The following MED14 variants were observed in gnomAD, a reference collection of about 807,000 sequenced individuals.
MED14 encodes the protein mediator complex subunit 14.
Under a neutral mutation model 109.0 loss-of-function variants are expected in MED14, and 8 were observed. The observed-to-expected ratio is 0.07, with a 90% CI of 0.04 to 0.13. The LOEUF is 0.13. Ranked by LOEUF, MED14 falls within the 10% of genes least tolerant of loss-of-function variation. The pLI is 1.00. For missense variants in MED14, 711 were observed against 1,142.4 expected (o/e 0.62, Z 5.44); for synonymous variants, 399 against 408.7 (o/e 0.98, Z 0.29).
At chrX:40,691,858 C>T (rs923854264) in intron 15 of MED14, among the ~76,000 whole-genome samples, 4 of 109,568 alleles carry the variant, frequency 3.7e-5, no homozygotes, top group African/African-American at 1.0e-4. Flanking sequence ...GTGATCCACC[C>T]GCCTCGGCCT....
chrX:40,697,027 G>A lies in MED14; in HGVS notation c.1647C>T (p.Tyr549=). The change falls in exon 13 of 31, where the codon TAC becomes TAT. Residue 549 remains tyrosine, a synonymous_variant. Coordinates refer to ENST00000324817, the MANE Select transcript of MED14 (RefSeq NM_004229.4). ...FIKLTRLPQY[Y]IVVEMLEVPN... ...AATCACTCCTTTGCATACTTACAAT[G>A]TAGTATTGTGGAAGGCGGGTAAGTT... 8.3e-7 allele frequency: 1 copy of A among 1,197,661 alleles called. No homozygotes were observed. The highest frequency in any genetic ancestry group is 1.1e-6 in the Non-Finnish European group (1 of 884,502).
intron 3 of MED14, among the ~76,000 whole-genome samples, chrX:40,722,315 G>A (rs1332197498): frequency 9.0e-6 from 1 of 111,199 alleles, no homozygotes; most frequent in Admixed American, 9.6e-5. Flanking sequence ...AAATGCAATC[G>A]GCATACTGAA....
At chrX:40,668,293 G>A (rs62586858) in intron 23 of MED14, among the ~76,000 whole-genome samples, 1 of 97,648 alleles carries the variant, frequency 1.0e-5, no homozygotes, top group South Asian at 5.2e-4. Flanking sequence ...TGAGGCAGGA[G>A]AATCACTTGA....
At chrX:40,730,885 C>G (rs1932056097) in intron 1 of MED14, among the ~76,000 whole-genome samples, 1 of 99,114 alleles carries the variant, frequency 1.0e-5, no homozygotes, top group African/African-American at 3.7e-5. Flanking sequence ...CACCTGTAAT[C>G]CCAGCACTTT....
rs1350538123 is a variant in MED14 at position 40,650,579 on chromosome X, A to G, written c.*1227T>C. 4 of 754,221 alleles carry G rather than the reference A, an allele frequency of 5.3e-6. No individual in the cohort carries two copies. The highest frequency in any genetic ancestry group is 6.3e-6 in the Non-Finnish European group (4 of 639,375). The allele number at this position is 754,221 out of a possible 1,213,427, so 62.2% of individuals were successfully genotyped here. A position where few individuals can be genotyped will look rare whatever the true frequency, so the allele number is the denominator to read the frequency against. On this transcript the variant is annotated 3_prime_UTR_variant, in exon 31 of 31. Coordinates refer to ENST00000324817, the MANE Select transcript of MED14 (RefSeq NM_004229.4). ...AGACCATGTTCTTTGAAGCTTAAAA[A>G]AGTCCCTGACTGACTAGGAAAGACA... is the stretch of plus-strand genomic sequence containing the variant.
At chrX:40,713,098 C>A in intron 5 of MED14, 56 bp from the exon 6 acceptor site, 1 of 1,074,702 alleles carries the variant, frequency 9.3e-7, no homozygotes, top group Non-Finnish European at 1.2e-6. Flanking sequence ...AAATGAGAAT[C>A]TTCCTCCTGA....
In MED14 at chrX:40,712,288, G is replaced by T. The variant is rs1460629318; in HGVS notation, c.787C>A (p.Arg263=). ...LVEDKETGDG[R]ALVHSMQISF... is the part of the protein sequence containing the mutation. ...ATTTGCATGCTATGAACCAAAGCTCGCCCATCTTCCGTTGGCAGAAGAAAA... is the reference window on the plus strand; with the variant it reads ...ATTTGCATGCTATGAACCAAAGCTCTCCCATCTTCCGTTGGCAGAAGAAAA... Residue 263 remains arginine (R), a synonymous_variant, in exon 7 of 31, where the codon CGA becomes AGA. Coordinates refer to ENST00000324817, the MANE Select transcript of MED14 (RefSeq NM_004229.4). 36 of 1,196,383 alleles carry T rather than the reference G, an allele frequency of 3.0e-5. No homozygotes were observed. Among genetic ancestry groups the T allele is most frequent in the Non-Finnish European group, 4.1e-5 (36 of 886,340 alleles).
chrX:40,686,529 C>T (rs1285065117), intron 16 of MED14, among the ~76,000 whole-genome samples: 4 of 111,598 alleles, frequency 3.6e-5, no homozygotes, highest in East Asian at 5.6e-4. Context: ...CTCCTGAAAA[C>T]GTTTTTGTGG....
chrX:40,671,905 C>CTATGGG lies in MED14; in HGVS notation c.3088_3089insCCCATA (p.His1029_Ser1030insThrHis), dbSNP rs1170968862. ...CATTGAGGGAGACTGATTGACTGTG[C>CTATGGG]TATGATAAGATGTAGGGGGTGAAGT... On this transcript the variant is annotated inframe_insertion, in exon 23 of 31. Transcript: ENST00000324817. 1 of 1,204,212 alleles carries CTATGGG rather than the reference C, an allele frequency of 8.3e-7. No homozygotes were observed. Among genetic ancestry groups the CTATGGG allele is most frequent in the African/African-American group, 1.8e-5 (1 of 56,946 alleles).
Position 40,651,640 on chromosome X carries a change from G to C in MED14, c.*166C>G, listed in dbSNP as rs1348402930. 1 of 1,039,818 alleles carries C rather than the reference G, an allele frequency of 9.6e-7. No homozygotes were observed. The highest frequency in any genetic ancestry group is 1.2e-6 in the Non-Finnish European group (1 of 812,892). 85.7% of individuals were successfully genotyped at this position (1,039,818 alleles called of 1,213,427 possible). A position where few individuals can be genotyped will look rare whatever the true frequency, so the allele number is the denominator to read the frequency against. On this transcript the variant is annotated 3_prime_UTR_variant, in exon 31 of 31. Coordinates refer to ENST00000324817, the MANE Select transcript of MED14 (RefSeq NM_004229.4). ...CAAGTTCATTATACAAAAGATGGAT[G>C]ATCATTTTGATGAAAGAAGTGCACC... is the stretch of plus-strand genomic sequence containing the variant.
Position 40,713,035 on chromosome X carries a change from G to C in MED14, c.660C>G (p.Gly220=). Residue 220 remains glycine, a synonymous_variant, in exon 6 of 31, where the codon GGC becomes GGG. Transcript: ENST00000324817. ...CTCCTTCAACACGAAACTTCACCCG[G>C]CCATTTGCTTTTAGAAGAAAAAGAT... ...PQLANLTVAN[G]RVKFRVEGEF... The C allele has an allele frequency of 8.6e-7, 1 of 1,162,787 alleles. No individual in the cohort carries two copies. The highest frequency in any genetic ancestry group is 1.2e-6 in the Non-Finnish European group (1 of 866,338).
At chrX:40,656,004 A>G (rs1039168743) in intron 28 of MED14, among the ~76,000 whole-genome samples, 1 of 111,584 alleles carries the variant, frequency 9.0e-6, no homozygotes, top group Non-Finnish European at 1.9e-5. Flanking sequence ...TATATGATAA[A>G]TGAGCATCTG....
intron 10 of MED14, among the ~76,000 whole-genome samples, chrX:40,704,220 A>G (rs1401435406): frequency 8.9e-6 from 1 of 112,279 alleles, no homozygotes; most frequent in East Asian, 2.8e-4. Flanking sequence ...TATTTCCACG[A>G]GGCCCAATTA....
At chrX:40,733,499 A>G in intron 1 of MED14, among the ~76,000 whole-genome samples, 1 of 112,067 alleles carries the variant, frequency 8.9e-6, no homozygotes, top group East Asian at 2.8e-4. Context: ...TTTGTGGAGA[A>G]GAAACTATAG....
rs1440897090 is a variant in MED14 at position 40,654,504 on chromosome X, A to G, written c.4151T>C (p.Ile1384Thr). Residue 1384 changes from isoleucine to threonine, a missense_variant, in exon 30 of 31, where the codon ATA becomes ACA. Physicochemically the swap from Ile to Thr is moderately conservative, Grantham distance 89. Around this residue, in one of 8 missense-constraint regions of MED14, gnomAD observed 41 missense variants for 66.9 expected, o/e 0.61. Transcript: ENST00000324817. ...AGCCATGTCATAAATGATTGGAACT[A>G]TAATACTAACAGGTTCTTGGGGAGG... is the stretch of plus-strand genomic sequence containing the variant. ...SVPPQEPVSI[I>T]VPIIYDMASG... 8.3e-7 allele frequency: 1 copy of G among 1,211,413 alleles called. No homozygotes were observed. The highest frequency in any genetic ancestry group is 2.2e-5 in the Admixed American group (1 of 45,987).
chrX:40,658,108 T>A (rs1286691464), intron 28 of MED14, among the ~76,000 whole-genome samples: 1 of 92,847 alleles, frequency 1.1e-5, no homozygotes, highest in East Asian at 3.6e-4. Context: ...TTTGTGTGTG[T>A]GTGAGACAGT....
intron 10 of MED14, among the ~76,000 whole-genome samples, chrX:40,706,533 A>C (rs1931147581): frequency 9.0e-6 from 1 of 111,601 alleles, no homozygotes; most frequent in African/African-American, 3.3e-5. Context: ...TAATATCCTC[A>C]AATTTCAGAT....
chrX:40,705,467 T>C (rs1931102584), intron 10 of MED14, among the ~76,000 whole-genome samples: 1 of 112,144 alleles, frequency 8.9e-6, no homozygotes, highest in Admixed American at 9.5e-5. Context: ...GATGTACAAT[T>C]TTTTGACTAC....
intron 12 of MED14, among the ~76,000 whole-genome samples, chrX:40,700,041 C>T (rs1189396989): frequency 9.0e-6 from 1 of 110,514 alleles, no homozygotes; most frequent in Non-Finnish European, 1.9e-5. Context: ...CCCAGCCATT[C>T]GGAAGACTGA....
Sources: gnomAD v4.1 joint callset for allele counts (sites outside exome capture counted in the v4.1 genomes callset) on GRCh38, gnomAD v4.1.1 for gene constraint, gnomAD v4.1.1 regional missense constraint, MANE v1.5 for transcripts, NCBI Gene and HGNC (gene_info 2026-07-23, HGNC 2026-07-21) for gene names.